AMMECR1L: variants seen among roughly 807,000 people sequenced by gnomAD.
AMMECR1L encodes the protein AMMECR1 like.
In AMMECR1L, 4 loss-of-function variants were observed where a neutral mutation model predicts 36.8. The ratio of observed to expected loss-of-function variants is 0.11; its 90% confidence interval spans 0.05 to 0.25. AMMECR1L has a LOEUF of 0.25. Ranked by LOEUF, AMMECR1L falls within the 10% of genes least tolerant of loss-of-function variation. The pLI is 1.00. For synonymous variants in AMMECR1L, 147 were observed against 148.0 expected (o/e 0.99, Z 0.05); for missense variants, 232 against 392.1 (o/e 0.59, Z 3.45).
Position 127,869,075 on chromosome 2 carries a change from T to C in AMMECR1L, c.724+379A>G, listed in dbSNP as rs1331705383. Among the ~76,000 whole-genome samples, 2 of 152,148 alleles carry C rather than the reference T, an allele frequency of 1.3e-5. No homozygotes were observed. Among genetic ancestry groups the C allele is most frequent in the African/African-American group, 4.8e-5 (2 of 41,442 alleles). On this transcript the variant is annotated intron_variant, in intron 6 of 7. Coordinates refer to ENST00000272647, the MANE Select transcript of AMMECR1L (RefSeq NM_001199140.2). The surrounding 1 kb of genome is among the most constrained non-coding windows in gnomAD (Gnocchi z 4.7). ...GGGACTATGTTTACACCCTTTGCCA[T>C]GTATAATATTGTTTAATGATTTGTG...
rs1691761915 is a variant in AMMECR1L at position 127,885,934 on chromosome 2, C to G, written c.-273G>C. On this transcript the variant is annotated 5_prime_UTR_variant, in exon 1 of 8. Coordinates refer to ENST00000272647, the MANE Select transcript of AMMECR1L (RefSeq NM_001199140.2). ...GAGAGAAGCTGGCCTGCGGGCGGGC[C>G]GGACGCGCTGCGCGGACGGGGCGGG... 3 of 989,498 alleles carry G rather than the reference C, an allele frequency of 3.0e-6. No homozygotes were observed. The highest frequency in any genetic ancestry group is 3.6e-6 in the Non-Finnish European group (3 of 833,086). The allele number at this position is 989,498 out of a possible 1,614,324, so 61.3% of individuals were successfully genotyped here.
rs544262521 is a variant in AMMECR1L at position 127,865,089 on chromosome 2, G to A, written c.*5C>T. The A allele has an allele frequency of 8.7e-6, 14 of 1,610,172 alleles. No individual in the cohort carries two copies. The highest frequency in any genetic ancestry group is 1.3e-5 in the African/African-American group (1 of 74,946). On this transcript the variant is annotated 3_prime_UTR_variant, in exon 8 of 8. Coordinates refer to ENST00000272647, the MANE Select transcript of AMMECR1L (RefSeq NM_001199140.2). The surrounding 1 kb of genome is among the most constrained non-coding windows in gnomAD (Gnocchi z 5.4). Reference sequence around the variant, plus strand: ...GGGGGGTGGGACTGGTCATGCAGCCGTGTGTCAGGAGTAATGATTGTAGAG... The same window carrying A: ...GGGGGGTGGGACTGGTCATGCAGCCATGTGTCAGGAGTAATGATTGTAGAG...
At position 127,879,924 on chromosome 2, in the gene AMMECR1L, C is replaced by T. The variant is rs546017399; in HGVS notation, c.-39+4279G>A. Reference sequence around the variant, plus strand: ...TACTTACCTCTTCTAAATCTGTGCCCGCCAAACTTCCCTGCCAAACTTTAT... The same window carrying T: ...TACTTACCTCTTCTAAATCTGTGCCTGCCAAACTTCCCTGCCAAACTTTAT... On this transcript the variant is annotated intron_variant, in intron 2 of 7. Transcript: ENST00000272647. Among the ~76,000 whole-genome samples, 18 of 152,318 alleles carry T rather than the reference C, an allele frequency of 1.2e-4. No individual in the cohort carries two copies. The South Asian group carries it at 2.3e-3, about 19-fold the overall frequency.
chr2:127,865,350 AAGAC>A lies in AMMECR1L; in HGVS notation c.822-149_822-146del. 1 of 535,738 alleles carries A rather than the reference AAGAC, an allele frequency of 1.9e-6. No homozygotes were observed. Among genetic ancestry groups the A allele is most frequent in the Non-Finnish European group, 3.3e-6 (1 of 300,154 alleles). The allele number at this position is 535,738 out of a possible 1,614,324, so 33.2% of individuals were successfully genotyped here. A position where few individuals can be genotyped will look rare whatever the true frequency, so the allele number is the denominator to read the frequency against. ...GAGCAATCTTACTTACAGAAAATGA[AAGAC>A]AGCACAAGAAAACAATGTTGTTATT... On this transcript the variant is annotated intron_variant, in intron 7 of 7. Transcript: ENST00000272647. This position sits in a 1 kb window ranked among gnomAD's most constrained non-coding sequence, Gnocchi z 5.4.
At chr2:127,867,073 AGAGAAATGGGACTC>A in intron 6 of AMMECR1L, 77 bp from the exon 7 acceptor site, 1 of 1,596,026 alleles carries the variant, frequency 6.3e-7, no homozygotes, top group Non-Finnish European at 8.5e-7. Context: ...CCGTGCAAGA[AGAGAAATGGGACTC>A]GAGAAGCAGC....
chr2:127,874,354 A>G lies in AMMECR1L; in HGVS notation c.-38-82T>C. ...AAAACATCAAAGATAGAGAGTCTGC[A>G]TTGACCAGCTAAGAGCTGTCAAATT... On this transcript the variant is annotated intron_variant, in intron 2 of 7. Coordinates refer to ENST00000272647, the MANE Select transcript of AMMECR1L (RefSeq NM_001199140.2). This position sits in a 1 kb window ranked among gnomAD's most constrained non-coding sequence, Gnocchi z 5.2. 1.5e-6 allele frequency: 2 copies of G among 1,323,930 alleles called. No individual in the cohort carries two copies. The highest frequency in any genetic ancestry group is 2.8e-5 in the South Asian group (2 of 72,400). 82.0% of individuals were successfully genotyped at this position (1,323,930 alleles called of 1,614,324 possible).
rs111331085 is a variant in AMMECR1L, at chr2:127,869,273, T to G, written c.724+181A>C. Among the ~76,000 whole-genome samples, 872 of 152,292 alleles carry G rather than the reference T, an allele frequency of 5.7e-3. 9 individuals are homozygous for G. The highest frequency in any genetic ancestry group is 0.02 in the African/African-American group (817 of 41,550). On this transcript the variant is annotated intron_variant, in intron 6 of 7. Transcript: ENST00000272647. The surrounding 1 kb of genome is among the most constrained non-coding windows in gnomAD (Gnocchi z 4.7). ...GATTTACCCTTTTGCTTTTCCCAGC[T>G]CCTAAACCTTTTTGGAAGTTTACCC...
chr2:127,878,664 C>T (rs1203686632), intron 2 of AMMECR1L, among the ~76,000 whole-genome samples: 1 of 152,190 alleles, frequency 6.6e-6, no homozygotes, highest in Admixed American at 6.5e-5. Flanking sequence ...AATCACTGAT[C>T]CGCAGTGGGT....
Position 127,882,695 on chromosome 2 carries a change from G to A in AMMECR1L, c.-39+1508C>T, listed in dbSNP as rs141749009. ...TGCGGCTTTGAACTTCTGTGCTCAAGAGATCCTCCTGCCTCAGCCTCCCAA... is the reference window on the plus strand; with the variant it reads ...TGCGGCTTTGAACTTCTGTGCTCAAAAGATCCTCCTGCCTCAGCCTCCCAA... On this transcript the variant is annotated intron_variant, in intron 2 of 7. Coordinates refer to ENST00000272647, the MANE Select transcript of AMMECR1L (RefSeq NM_001199140.2). 5.3e-5 allele frequency among the ~76,000 whole-genome samples: 8 copies of A among 152,216 alleles called. No homozygotes were observed. In the East Asian group the frequency reaches 1.5e-3, roughly 29 times the overall value.
At position 127,873,387 on chromosome 2, in the gene AMMECR1L, G is replaced by GAAATTT; in HGVS notation, c.407+440_407+441insAAATTT. ...AAGGGATTTCTCATGAACAAAGTGA[G>GAAATTT]GGGACCCCTGTTAACCAAATCGCAG... On this transcript the variant is annotated intron_variant, in intron 3 of 7. Coordinates refer to ENST00000272647, the MANE Select transcript of AMMECR1L (RefSeq NM_001199140.2). The surrounding 1 kb of genome is among the most constrained non-coding windows in gnomAD (Gnocchi z 5.2). 7 of 985,444 alleles carry GAAATTT rather than the reference G, an allele frequency of 7.1e-6. No individual in the cohort carries two copies. Among genetic ancestry groups the GAAATTT allele is most frequent in the Non-Finnish European group, 8.4e-6 (7 of 829,932 alleles). The allele number at this position is 985,444 out of a possible 1,614,324, so 61.0% of individuals were successfully genotyped here.
Position 127,866,894 on chromosome 2 carries a change from G to A in AMMECR1L, c.821+6C>T, listed in dbSNP as rs371831684. 1.7e-5 allele frequency: 27 copies of A among 1,612,610 alleles called. No individual in the cohort carries two copies. The African/African-American group carries it at 3.1e-4, about 18-fold the overall frequency. On this transcript the variant is annotated splice_donor_region_variant and intron_variant, in intron 7 of 7. Coordinates refer to ENST00000272647, the MANE Select transcript of AMMECR1L (RefSeq NM_001199140.2). ...AAATGATAAGGAAAACAAGACAATG[G>A]CTTACCTGGTGAGTTTGATCGTTTT...
intron 2 of AMMECR1L, among the ~76,000 whole-genome samples, chr2:127,883,183 A>G (rs1214631654): frequency 6.8e-6 from 1 of 147,938 alleles, no homozygotes; most frequent in Non-Finnish European, 1.5e-5. Flanking sequence ...TGCAACCTCC[A>G]CCTCCCGGGT....
In AMMECR1L at chr2:127,873,990, G is replaced by A. The variant is rs528857719; in HGVS notation, c.245C>T (p.Ala82Val). 3 of 1,614,246 alleles carry A rather than the reference G, an allele frequency of 1.9e-6. No individual in the cohort carries two copies. The highest frequency in any genetic ancestry group is 2.2e-5 in the South Asian group (2 of 91,086). The change falls in exon 3 of 8, where the codon GCA becomes GTA. Residue 82 changes from alanine to valine, a missense_variant. Transcript: ENST00000272647. The surrounding 1 kb of genome is among the most constrained non-coding windows in gnomAD (Gnocchi z 5.2). ...GNSPITRMNPASGALSPLPRP... is the reference protein window; with the variant it reads ...GNSPITRMNPVSGALSPLPRP... ...GGGAAGAGGGCTCAGCGCTCCCGATGCGGGATTCATTCGTGTGATGGGAGA... is the reference window on the plus strand; with the variant it reads ...GGGAAGAGGGCTCAGCGCTCCCGATACGGGATTCATTCGTGTGATGGGAGA...
chr2:127,875,826 T>A (rs995286071), intron 2 of AMMECR1L, among the ~76,000 whole-genome samples: 3 of 152,048 alleles, frequency 2.0e-5, no homozygotes, highest in Non-Finnish European at 4.4e-5. Context: ...ACAGGTCTCA[T>A]TCTGTCACCC....
chr2:127,885,399 G>T (rs1390533827), intron 1 of AMMECR1L: 1 of 963,886 alleles, frequency 1.0e-6, no homozygotes, highest in Admixed American at 6.6e-5. Flanking sequence ...GAATCCAGAC[G>T]CCGGGCGGGG....
Position 127,871,455 on chromosome 2 carries a change from G to A in AMMECR1L, c.408-96C>T. 5.5e-6 allele frequency: 7 copies of A among 1,266,556 alleles called. No homozygotes were observed. The highest frequency in any genetic ancestry group is 7.7e-6 in the Non-Finnish European group (7 of 909,424). 78.5% of individuals were successfully genotyped at this position (1,266,556 alleles called of 1,614,324 possible). On this transcript the variant is annotated intron_variant, in intron 3 of 7. Coordinates refer to ENST00000272647, the MANE Select transcript of AMMECR1L (RefSeq NM_001199140.2). The surrounding 1 kb of genome is among the most constrained non-coding windows in gnomAD (Gnocchi z 4.3). ...TTTGTCCCTATTCATTTCTGTTATTGCCAAAAATCCCTGTTTTTGGACTTG... is the reference window on the plus strand; with the variant it reads ...TTTGTCCCTATTCATTTCTGTTATTACCAAAAATCCCTGTTTTTGGACTTG...
Position 127,865,112 on chromosome 2 carries a change from G to C in AMMECR1L, c.915C>G (p.Leu305=). The change falls in exon 8 of 8, where the codon CTC becomes CTG. Residue 305 remains leucine (L), a synonymous_variant. Transcript: ENST00000272647. This position sits in a 1 kb window ranked among gnomAD's most constrained non-coding sequence, Gnocchi z 5.4. ...FQNGTLHAPP[L]YNHYS ...CCGTGTGTCAGGAGTAATGATTGTAGAGGGGCGGGGCATGAAGAGTGCCGT... is the reference window on the plus strand; with the variant it reads ...CCGTGTGTCAGGAGTAATGATTGTACAGGGGCGGGGCATGAAGAGTGCCGT... The C allele has an allele frequency of 6.2e-7, 1 of 1,613,744 alleles. No individual in the cohort carries two copies. Among genetic ancestry groups the C allele is most frequent in the Non-Finnish European group, 8.5e-7 (1 of 1,179,818 alleles).
Position 127,875,463 on chromosome 2 carries a change from A to G in AMMECR1L, c.-38-1191T>C, listed in dbSNP as rs190675742. Among the ~76,000 whole-genome samples, 5 of 152,314 alleles carry G rather than the reference A, an allele frequency of 3.3e-5. No homozygotes were observed. In the East Asian group the frequency reaches 9.6e-4, roughly 29 times the overall value. On this transcript the variant is annotated intron_variant, in intron 2 of 7. Transcript: ENST00000272647. ...TTTTCCCCTGTGATTTGGACATGTC[A>G]TATAATTATCTTTTTAGGCATTGAT...
rs140830694 is a variant in AMMECR1L at position 127,868,013 on chromosome 2, G to A, written c.725-1017C>T. 1.2e-3 allele frequency among the ~76,000 whole-genome samples: 178 copies of A among 152,236 alleles called. 1 individual carries two copies. Among genetic ancestry groups the A allele is most frequent in the African/African-American group, 4.1e-3 (169 of 41,534 alleles). Reference sequence around the variant, plus strand: ...TCAGCCACCCAACTAGCTGTTGACTGTCAGGTGTGTGCCACCACACCCAGC... The same window carrying A: ...TCAGCCACCCAACTAGCTGTTGACTATCAGGTGTGTGCCACCACACCCAGC... On this transcript the variant is annotated intron_variant, in intron 6 of 7. Coordinates refer to ENST00000272647, the MANE Select transcript of AMMECR1L (RefSeq NM_001199140.2).
Sources: gnomAD v4.1 joint callset for allele counts (sites outside exome capture counted in the v4.1 genomes callset) on GRCh38, gnomAD v4.1.1 for gene constraint, Gnocchi (gnomAD v3.1) non-coding constraint, MANE v1.5 for transcripts, NCBI Gene and HGNC (gene_info 2026-07-23, HGNC 2026-07-21) for gene names.